Variants in CHD9 observed in about 807,000 individuals in gnomAD.
CHD9 encodes ATP-dependent chromatin remodeler CHD9.
CHD9 carries 77 observed loss-of-function variants against 316.1 expected under a neutral mutation model. That is an observed-to-expected ratio of 0.24 (90% confidence interval 0.20 to 0.29). The LOEUF is 0.29. Ranked by LOEUF, CHD9 falls within the 10% of genes least tolerant of loss-of-function variation. CHD9 has a pLI of 1.00. For synonymous variants in CHD9, 1,129 were observed against 1,158.3 expected, an observed-to-expected ratio of 0.97 and a Z score of 0.51; for missense variants, 2,763 against 3,438.1, an observed-to-expected ratio of 0.80 and a Z score of 4.91.
At chr16:53,207,555 CT>C (rs1259466933) in intron 2 of CHD9, among the ~76,000 whole-genome samples, 3 of 152,054 alleles carry the variant, frequency 2.0e-5, no homozygotes, top group African/African-American at 7.2e-5. Flanking sequence ...ACACTGTTAG[CT>C]TTTTGTTAGA....
At chr16:53,090,931 T>TGCAGAGATAAGTCTC (rs6145838) in intron 1 of CHD9, among the ~76,000 whole-genome samples, 47 of 151,582 alleles carry the variant, frequency 3.1e-4, no homozygotes, top group African/African-American at 1.1e-3. Flanking sequence ...CTGCCCACCA[T>TGCAGAGATAAGTCTC]GCTCTCACAC....
intron 2 of CHD9, among the ~76,000 whole-genome samples, chr16:53,204,636 C>G (rs2045751501): frequency 1.3e-5 from 2 of 151,946 alleles, no homozygotes; most frequent in Non-Finnish European, 2.9e-5. Flanking sequence ...CATGACCTGT[C>G]TTTGACAAAC....
intron 3 of CHD9, among the ~76,000 whole-genome samples, chr16:53,212,633 T>C (rs1357409395): frequency 6.6e-6 from 1 of 152,196 alleles, no homozygotes; most frequent in East Asian, 1.9e-4. Context: ...TAGAATGTCC[T>C]TTTCGGAGCA....
intron 1 of CHD9, among the ~76,000 whole-genome samples, chr16:53,129,405 G>C (rs2039114644): frequency 6.6e-6 from 1 of 152,212 alleles, no homozygotes; most frequent in South Asian, 2.1e-4. Flanking sequence ...GTTGTTATAA[G>C]TATCCTTCAG....
chr16:53,241,368 C>T (rs955078589), intron 12 of CHD9, among the ~76,000 whole-genome samples: 1 of 152,228 alleles, frequency 6.6e-6, no homozygotes, highest in Non-Finnish European at 1.5e-5. Context: ...AGTCTTCAGA[C>T]TCTTTTGTGT....
chr16:53,305,647 G>T (rs73608007), intron 31 of CHD9, among the ~76,000 whole-genome samples: 4,925 of 152,284 alleles, frequency 0.032, 100 homozygotes, highest in Middle Eastern at 0.071. Flanking sequence ...TGTCAGCCAT[G>T]ACAAATGCTT....
intron 34 of CHD9, chr16:53,311,066 GT>G (rs2056436724): frequency 6.6e-6 from 1 of 151,036 alleles, no homozygotes; most frequent in East Asian, 2.0e-4. Context: ...TGCCCCTGTA[GT>G]TCCAGGTACT....
rs2055964934 is a variant in CHD9 at position 53,306,306 on chromosome 16, C to G, written c.6689C>G (p.Thr2230Ser). 1 of 1,610,818 alleles carries G rather than the reference C, an allele frequency of 6.2e-7. No homozygotes were observed. The highest frequency in any genetic ancestry group is 8.5e-7 in the Non-Finnish European group (1 of 1,178,166). The change falls in exon 32 of 39, where the codon ACT becomes AGT. Residue 2230 changes from threonine to serine, a missense_variant. Around this residue, in one of 15 missense-constraint regions of CHD9, gnomAD observed 663 missense variants for 751.2 expected, o/e 0.88. Coordinates refer to ENST00000447540, the MANE Select transcript of CHD9 (RefSeq NM_001308319.2). ...VASLSTTQDE[T>S]QDSFQMNNGT... The stretch of plus-strand genomic sequence containing the variant: ...TCACTGAGCACTACCCAGGATGAGA[C>G]TCAGGATAGTTTTCAGATGAACAAT...
At chr16:53,140,981 G>A (rs1288891707) in intron 1 of CHD9, among the ~76,000 whole-genome samples, 1 of 152,184 alleles carries the variant, frequency 6.6e-6, no homozygotes, top group Non-Finnish European at 1.5e-5. Flanking sequence ...AATAATATAA[G>A]TAAGCATTAG....
chr16:53,241,879 ACTT>A, intron 12 of CHD9, among the ~76,000 whole-genome samples: 1 of 152,316 alleles, frequency 6.6e-6, no homozygotes, highest in Non-Finnish European at 1.5e-5. Context: ...AAATCAGGAC[ACTT>A]CTTACAAATC....
At chr16:53,173,921 A>G (rs1460093037) in intron 2 of CHD9, among the ~76,000 whole-genome samples, 3 of 152,032 alleles carry the variant, frequency 2.0e-5, no homozygotes, top group Non-Finnish European at 4.4e-5. Flanking sequence ...TAGGCATTTG[A>G]TGCTATACAT....
At chr16:53,130,687 A>T (rs1292103985) in intron 1 of CHD9, among the ~76,000 whole-genome samples, 3 of 151,092 alleles carry the variant, frequency 2.0e-5, no homozygotes, top group Non-Finnish European at 3.0e-5. Flanking sequence ...CGGCGGGGCC[A>T]TGTTGGAGCG....
At chr16:53,281,949 A>G (rs1567615229) in intron 24 of CHD9, among the ~76,000 whole-genome samples, 1 of 152,120 alleles carries the variant, frequency 6.6e-6, no homozygotes, top group South Asian at 2.1e-4. Context: ...AATTACGTTA[A>G]TTTGTATATC....
intron 3 of CHD9, among the ~76,000 whole-genome samples, chr16:53,215,951 C>T (rs34831901): frequency 0.13 from 19,089 of 152,160 alleles, 1,343 homozygotes; most frequent in South Asian, 0.23. Flanking sequence ...CCTTTGCTGT[C>T]AGAAACATCC....
At chr16:53,303,191 T>C (rs2055613741) in intron 30 of CHD9, among the ~76,000 whole-genome samples, 1 of 151,940 alleles carries the variant, frequency 6.6e-6, no homozygotes, top group Non-Finnish European at 1.5e-5. Flanking sequence ...AGTTTTTTTT[T>C]TTTTTTTGCA....
intron 37 of CHD9, among the ~76,000 whole-genome samples, chr16:53,319,628 A>G (rs557698042): frequency 1.3e-5 from 2 of 152,362 alleles, no homozygotes; most frequent in East Asian, 3.9e-4. Context: ...AATTCACATT[A>G]CTAAATATTA....
chr16:53,301,978 T>C (rs2055484458), intron 30 of CHD9, among the ~76,000 whole-genome samples: 1 of 151,974 alleles, frequency 6.6e-6, no homozygotes, highest in South Asian at 2.1e-4. Context: ...TTAGCCAGGA[T>C]GGTCTCAATC....
intron 1 of CHD9, among the ~76,000 whole-genome samples, chr16:53,095,431 C>A (rs905958261): frequency 6.6e-6 from 1 of 151,790 alleles, no homozygotes; most frequent in African/African-American, 2.4e-5. Context: ...TGCCTGTAGT[C>A]CCAGCTACTT....
At chr16:53,103,131 C>T (rs1468181462) in intron 1 of CHD9, among the ~76,000 whole-genome samples, 6 of 149,684 alleles carry the variant, frequency 4.0e-5, no homozygotes, top group Non-Finnish European at 8.9e-5. Context: ...AGGCATGAGC[C>T]ACCCCACCTG....
Sources: allele counts gnomAD v4.1 joint callset (sites outside exome capture counted in the v4.1 genomes callset), GRCh38; gene constraint gnomAD v4.1.1; regional missense constraint gnomAD v4.1.1; transcripts MANE v1.5; gene names NCBI Gene and HGNC (gene_info 2026-07-23, HGNC 2026-07-21).